Variants in RASGRF1 observed in about 807,000 individuals in gnomAD.
The protein encoded by RASGRF1 is Ras protein specific guanine nucleotide releasing factor 1.
Under a neutral mutation model 138.7 loss-of-function variants are expected in RASGRF1, and 40 were observed. The observed-to-expected ratio is 0.29, with a 90% CI of 0.22 to 0.38. The LOEUF (loss-of-function observed/expected upper bound fraction) is 0.38. Among genes scored for constraint, RASGRF1 ranks in the 10% least tolerant of loss-of-function variants. The pLI is 1.00. For synonymous variants in RASGRF1, 614 were observed against 663.2 expected (o/e 0.93, Z 1.14); for missense variants, 1,108 against 1,650.4 (o/e 0.67, Z 5.69).
chr15:78,987,564 C>T (rs781303444), intron 22 of RASGRF1, among the ~76,000 whole-genome samples: 3 of 152,004 alleles, frequency 2.0e-5, no homozygotes, highest in African/African-American at 7.2e-5. Context: ...GGTGCAGTGG[C>T]ATGCACCTGT....
Position 79,053,756 on chromosome 15 carries a change from G to A in RASGRF1, c.532-4168C>T, listed in dbSNP as rs558042213. On this transcript the variant is annotated intron_variant, in intron 3 of 26. Transcript: ENST00000558480. ...TGGAGGGCACAGAGGGAGAAGAGACGGGCTGGCTTCATGGATGTGTGGCCT... is the reference window on the plus strand; with the variant it reads ...TGGAGGGCACAGAGGGAGAAGAGACAGGCTGGCTTCATGGATGTGTGGCCT... 5.8e-4 allele frequency among the ~76,000 whole-genome samples: 89 copies of A among 152,312 alleles called. 2 individuals carry two copies. In the South Asian group the frequency reaches 0.014, roughly 24 times the overall value.
intron 11 of RASGRF1, 139 bp from the exon 12 acceptor site, chr15:79,018,045 G>C: frequency 9.1e-7 from 1 of 1,097,298 alleles, no homozygotes. Flanking sequence ...GCTACTTTCA[G>C]AATATTATTT....
chr15:79,043,120 C>T (rs2057317176), intron 5 of RASGRF1, among the ~76,000 whole-genome samples: 1 of 152,172 alleles, frequency 6.6e-6, no homozygotes. Flanking sequence ...ATATAACCAC[C>T]AGGTCTTCTC....
At chr15:78,966,225 A>ATTTTT (rs3063545) in intron 26 of RASGRF1, among the ~76,000 whole-genome samples, 2 of 110,758 alleles carry the variant, frequency 1.8e-5, no homozygotes, top group East Asian at 2.5e-4. Flanking sequence ...GAGGACTTAA[A>ATTTTT]TTTTTTTTTT....
At chr15:79,031,604 G>T (rs2057138000) in intron 7 of RASGRF1, 95 bp from the exon 8 acceptor site, 2 of 337,974 alleles carry the variant, frequency 5.9e-6, no homozygotes, top group East Asian at 9.0e-5. Context: ...GCAAGAGAGA[G>T]AGAGAAAGAG....
At chr15:78,998,896 A>T (rs1484684003) in intron 17 of RASGRF1, 71 bp from the exon 18 acceptor site, 1 of 1,303,968 alleles carries the variant, frequency 7.7e-7, no homozygotes, top group Non-Finnish European at 1.1e-6. Context: ...ACTAGTCTGG[A>T]TTTGCCTCTC....
intron 1 of RASGRF1, among the ~76,000 whole-genome samples, chr15:79,084,935 G>GT (rs949793949): frequency 4.6e-5 from 7 of 152,042 alleles, no homozygotes; most frequent in Non-Finnish European, 7.4e-5. Context: ...TCTTGGTGAA[G>GT]TTTTTTTTAA....
chr15:79,055,942 C>T (rs1214499829), intron 3 of RASGRF1, among the ~76,000 whole-genome samples: 1 of 152,166 alleles, frequency 6.6e-6, no homozygotes, highest in Non-Finnish European at 1.5e-5. Context: ...GCGACACAGC[C>T]CGTCCTTATG....
intron 13 of RASGRF1, among the ~76,000 whole-genome samples, chr15:79,008,607 C>T (rs920139645): frequency 7.2e-5 from 11 of 152,106 alleles, no homozygotes; most frequent in East Asian, 1.9e-4. Flanking sequence ...AAGGCTGGGA[C>T]GGATGCAGCA....
chr15:79,081,163 A>G (rs894042292), intron 1 of RASGRF1, among the ~76,000 whole-genome samples: 6 of 152,236 alleles, frequency 3.9e-5, no homozygotes, highest in African/African-American at 1.4e-4. Flanking sequence ...GCCGCCCCAA[A>G]CCCAGGATGT....
intron 14 of RASGRF1, chr15:79,005,610 T>C: frequency 1.0e-6 from 1 of 986,968 alleles, no homozygotes; most frequent in Non-Finnish European, 1.2e-6. Flanking sequence ...AAGCAAAGGC[T>C]AAGGTGGCCT....
chr15:79,089,274 A>G (rs2058020883), intron 1 of RASGRF1, among the ~76,000 whole-genome samples: 1 of 152,230 alleles, frequency 6.6e-6, no homozygotes, highest in Admixed American at 6.5e-5. Flanking sequence ...AGGATCCACT[A>G]TCATCTGCTT....
At chr15:78,975,788 C>G (rs1264862731) in intron 24 of RASGRF1, among the ~76,000 whole-genome samples, 2 of 152,160 alleles carry the variant, frequency 1.3e-5, no homozygotes, top group African/African-American at 4.8e-5. Context: ...CCAAAGTGCT[C>G]AGATTACAGG....
intron 12 of RASGRF1, 108 bp from the exon 13 acceptor site, chr15:79,015,517 T>G: frequency 1.0e-6 from 1 of 978,898 alleles, no homozygotes; most frequent in Non-Finnish European, 1.6e-6. Flanking sequence ...TGATACAGGG[T>G]CCTCAAGCTT....
At chr15:79,019,998 C>A in intron 11 of RASGRF1, 43 bp downstream of exon 11, 1 of 1,602,144 alleles carries the variant, frequency 6.2e-7, no homozygotes, top group Non-Finnish European at 8.5e-7. Context: ...GTGTGTGTAT[C>A]TGTGCAAGCA....
intron 16 of RASGRF1, among the ~76,000 whole-genome samples, chr15:79,000,482 T>C (rs2056498755): frequency 6.6e-6 from 1 of 152,090 alleles, no homozygotes; most frequent in African/African-American, 2.4e-5. Flanking sequence ...CTTTGAATAA[T>C]AGGGATAAAG....
chr15:79,001,851 A>C (rs1221062089), intron 15 of RASGRF1, 64 bp from the exon 16 acceptor site: 1 of 1,146,522 alleles, frequency 8.7e-7, no homozygotes, highest in African/African-American at 1.6e-5. Flanking sequence ...TAAATATTTG[A>C]TTTTAAAATT....
chr15:78,991,538 C>A (rs1395452270), intron 21 of RASGRF1, among the ~76,000 whole-genome samples, 153 bp downstream of exon 21: 1 of 152,166 alleles, frequency 6.6e-6, no homozygotes, highest in East Asian at 1.9e-4. Flanking sequence ...CGGGAACAGG[C>A]TTCTCTCCCT....
intron 1 of RASGRF1, among the ~76,000 whole-genome samples, chr15:79,083,631 C>A (rs1179946532): frequency 6.6e-6 from 1 of 152,190 alleles, no homozygotes; most frequent in East Asian, 1.9e-4. Flanking sequence ...CAATAGACAG[C>A]AAGGAATAAC....
Sources: allele counts gnomAD v4.1 joint callset (sites outside exome capture counted in the v4.1 genomes callset), GRCh38; gene constraint gnomAD v4.1.1; transcripts MANE v1.5; gene names NCBI Gene and HGNC (gene_info 2026-07-23, HGNC 2026-07-21).